The following SHB variants were observed in gnomAD, a reference collection of about 807,000 sequenced individuals.
The protein encoded by SHB is SH2 domain containing adaptor protein B.
Under a neutral mutation model 52.3 loss-of-function variants are expected in SHB, and 20 were observed. That is an observed-to-expected ratio of 0.38 (90% CI 0.27 to 0.56). The LOEUF (loss-of-function observed/expected upper bound fraction) is 0.56. SHB is among the 20% of genes least tolerant of loss of function. SHB has a pLI of 0.71. For synonymous variants in SHB, 397 were observed against 316.5 expected (o/e 1.25, Z -2.70); for missense variants, 825 against 723.3 (o/e 1.14, Z -1.61).
chr9:38,012,052 G>A (rs932106881), intron 2 of SHB, among the ~76,000 whole-genome samples: 3 of 152,134 alleles, frequency 2.0e-5, no homozygotes, highest in East Asian at 3.9e-4. Context: ...GAGGCATTTA[G>A]AGGGCAGGGG....
chr9:38,015,971 C>A, intron 2 of SHB, 40 bp downstream of exon 2: 1 of 1,607,278 alleles, frequency 6.2e-7, no homozygotes, highest in East Asian at 2.2e-5. Context: ...TCTACCCCTA[C>A]AACCCCAGCT....
intron 3 of SHB, among the ~76,000 whole-genome samples, chr9:37,974,076 G>A (rs1357650567): frequency 6.6e-6 from 1 of 152,108 alleles, no homozygotes; most frequent in Non-Finnish European, 1.5e-5. Context: ...CCAACATAGT[G>A]AAACCCCGTC....
At chr9:38,034,790 G>A (rs1323625933) in intron 1 of SHB, among the ~76,000 whole-genome samples, 1 of 152,204 alleles carries the variant, frequency 6.6e-6, no homozygotes, top group South Asian at 2.1e-4. Flanking sequence ...TCTGCCTCCC[G>A]GGTTCAAGTG....
chr9:38,067,788 C>T, intron 1 of SHB, 141 bp downstream of exon 1: 1 of 923,888 alleles, frequency 1.1e-6, no homozygotes, highest in Non-Finnish European at 1.5e-6. Flanking sequence ...GAGGCAGAAG[C>T]GGGAAGCAGC....
intron 3 of SHB, among the ~76,000 whole-genome samples, chr9:37,958,667 G>A (rs370674066): frequency 2.0e-5 from 3 of 152,276 alleles, no homozygotes; most frequent in East Asian, 3.9e-4. Context: ...GAGTGAGAAG[G>A]CCCTTTCCCA....
intron 1 of SHB, among the ~76,000 whole-genome samples, chr9:38,065,031 C>T (rs1821943123): frequency 6.6e-6 from 1 of 152,090 alleles, no homozygotes; most frequent in African/African-American, 2.4e-5. Flanking sequence ...GGGAGGATTG[C>T]TTGAGGCTGG....
intron 2 of SHB, among the ~76,000 whole-genome samples, chr9:37,977,940 G>GA (rs1820674248): frequency 6.6e-6 from 1 of 152,184 alleles, no homozygotes; most frequent in Non-Finnish European, 1.5e-5. Context: ...ACAATTCACA[G>GA]ATGTACTTCC....
At chr9:37,992,813 A>G (rs1334705942) in intron 2 of SHB, among the ~76,000 whole-genome samples, 2 of 152,218 alleles carry the variant, frequency 1.3e-5, no homozygotes, top group East Asian at 1.9e-4. Context: ...ATCAAATGCT[A>G]CAGGTATCAG....
chr9:38,018,876 G>A (rs1821249426), intron 1 of SHB, among the ~76,000 whole-genome samples: 1 of 152,222 alleles, frequency 6.6e-6, no homozygotes, highest in African/African-American at 2.4e-5. Flanking sequence ...TGTGAAGCGT[G>A]CTGCTTTTTT....
chr9:37,994,692 T>C (rs1323773742), intron 2 of SHB, among the ~76,000 whole-genome samples: 1 of 152,246 alleles, frequency 6.6e-6, no homozygotes, highest in African/African-American at 2.4e-5. Context: ...ATGTTACATA[T>C]GAGGAATATA....
At chr9:38,066,038 C>T (rs534466327) in intron 1 of SHB, among the ~76,000 whole-genome samples, 1 of 152,330 alleles carries the variant, frequency 6.6e-6, no homozygotes, top group Middle Eastern at 3.4e-3. Flanking sequence ...ACCATCACGC[C>T]ACTATGGCCT....
chr9:37,952,762 T>C (rs1832580686), intron 4 of SHB, among the ~76,000 whole-genome samples: 2 of 152,062 alleles, frequency 1.3e-5, no homozygotes, highest in Admixed American at 1.3e-4. Context: ...GCTTGAACCA[T>C]AACTAGTTAG....
chr9:38,010,992 GT>G (rs1233858521), intron 2 of SHB, among the ~76,000 whole-genome samples: 13 of 152,228 alleles, frequency 8.5e-5, no homozygotes, highest in Non-Finnish European at 2.9e-5. Flanking sequence ...CATGTGCAAA[GT>G]TTGTTTTCCA....
chr9:38,047,563 G>T (rs1821672703), intron 1 of SHB, among the ~76,000 whole-genome samples: 1 of 152,230 alleles, frequency 6.6e-6, no homozygotes, highest in South Asian at 2.1e-4. Context: ...ACCCCTCTTG[G>T]CTAATGCCTT....
chr9:37,961,332 G>A (rs1832690006), intron 3 of SHB, among the ~76,000 whole-genome samples: 1 of 152,200 alleles, frequency 6.6e-6, no homozygotes, highest in Admixed American at 6.5e-5. Flanking sequence ...GTGCTTGGAT[G>A]AGATAAATGT....
intron 2 of SHB, among the ~76,000 whole-genome samples, chr9:37,987,024 G>A (rs1186938129): frequency 1.3e-5 from 2 of 152,202 alleles, no homozygotes; most frequent in African/African-American, 2.4e-5. Context: ...AGGCTTTCAC[G>A]CCAGACCAGT....
chr9:38,010,635 G>A (rs1177727659), intron 2 of SHB, among the ~76,000 whole-genome samples: 4 of 152,192 alleles, frequency 2.6e-5, no homozygotes, highest in Non-Finnish European at 5.9e-5. Context: ...GGAAGCCCTT[G>A]TTCCCTCCTC....
At chr9:37,931,367 T>C (rs1832309125) in intron 5 of SHB, among the ~76,000 whole-genome samples, 1 of 152,152 alleles carries the variant, frequency 6.6e-6, no homozygotes, top group Non-Finnish European at 1.5e-5. Flanking sequence ...CCAAAATTTA[T>C]AAAGGACTCA....
chr9:37,955,026 G>A (rs372183146), intron 4 of SHB, among the ~76,000 whole-genome samples: 1 of 152,118 alleles, frequency 6.6e-6, no homozygotes, highest in Non-Finnish European at 1.5e-5. Flanking sequence ...CTGGGCAAAG[G>A]GGCTGGGAAA....
Sources: gnomAD v4.1 joint callset for allele counts (sites outside exome capture counted in the v4.1 genomes callset) on GRCh38, gnomAD v4.1.1 for gene constraint, MANE v1.5 for transcripts, NCBI Gene and HGNC (gene_info 2026-07-23, HGNC 2026-07-21) for gene names.